PTPRO: variants seen among roughly 807,000 people sequenced by gnomAD.
PTPRO encodes the protein protein tyrosine phosphatase receptor type O.
In PTPRO, 62 loss-of-function variants were observed where a neutral mutation model predicts 145.2. The ratio of observed to expected loss-of-function variants is 0.43; its 90% CI spans 0.35 to 0.53. PTPRO has a LOEUF of 0.53. Among genes scored for constraint, PTPRO ranks in the 20% least tolerant of loss-of-function variants. The pLI is 0.01. For synonymous variants in PTPRO, 565 were observed against 514.7 expected (o/e 1.10, Z -1.32); for missense variants, 1,345 against 1,482.7 (o/e 0.91, Z 1.53).
intron 12 of PTPRO, among the ~76,000 whole-genome samples, chr12:15,531,494 GTGAC>G (rs1258537072): frequency 6.6e-6 from 1 of 152,140 alleles, no homozygotes; most frequent in Non-Finnish European, 1.5e-5. Flanking sequence ...CAGCTGGAAA[GTGAC>G]TGTGTAGCAT....
chr12:15,528,966 T>C (rs1005422667), intron 12 of PTPRO, among the ~76,000 whole-genome samples: 1 of 152,096 alleles, frequency 6.6e-6, no homozygotes, highest in African/African-American at 2.4e-5. Context: ...AAACAAAAGA[T>C]GAAAGAATTC....
At chr12:15,507,410 A>AGAATAAAT (rs1942343220) in intron 6 of PTPRO, among the ~76,000 whole-genome samples, 1 of 122,916 alleles carries the variant, frequency 8.1e-6, no homozygotes, top group African/African-American at 2.8e-5. Flanking sequence ...ACTCCATCTC[A>AGAATAAAT]AAATAAATAA....
chr12:15,352,939 A>G (rs1380813467), intron 1 of PTPRO, among the ~76,000 whole-genome samples: 1 of 152,202 alleles, frequency 6.6e-6, no homozygotes, highest in Non-Finnish European at 1.5e-5. Context: ...ATGTCAATAT[A>G]TCATGCAGTA....
chr12:15,381,039 T>C (rs1246660169), intron 1 of PTPRO, among the ~76,000 whole-genome samples: 1 of 152,186 alleles, frequency 6.6e-6, no homozygotes, highest in Admixed American at 6.5e-5. Flanking sequence ...ACCTAGTACA[T>C]CATAGGCTGA....
At position 15,357,828 on chromosome 12, in the gene PTPRO, T is replaced by C. The variant is rs564367592; in HGVS notation, c.75+35027T>C. 2.9e-3 allele frequency among the ~76,000 whole-genome samples: 427 copies of C among 148,724 alleles called. 1 individual carries two copies. Among genetic ancestry groups the C allele is most frequent in the African/African-American group, 5.8e-3 (233 of 40,354 alleles). ...TCAACCATTGTGGAAGTCAGTGTGG[T>C]GATTCCTCAGGGATCTAGAACTAGA... On this transcript the variant is annotated intron_variant, in intron 1 of 26. Transcript: ENST00000281171.
chr12:15,490,200 T>A (rs1458733798), intron 2 of PTPRO, among the ~76,000 whole-genome samples: 1 of 152,202 alleles, frequency 6.6e-6, no homozygotes, highest in Non-Finnish European at 1.5e-5. Flanking sequence ...AAGCAAGTAT[T>A]TGGGGTAGTA....
At chr12:15,400,396 C>T (rs1565607993) in intron 1 of PTPRO, among the ~76,000 whole-genome samples, 3 of 152,188 alleles carry the variant, frequency 2.0e-5, no homozygotes, top group Admixed American at 1.3e-4. Context: ...ACCGCTGTGC[C>T]TATTGTTCCC....
At chr12:15,429,274 G>A (rs550079667) in intron 1 of PTPRO, among the ~76,000 whole-genome samples, 1 of 152,250 alleles carries the variant, frequency 6.6e-6, no homozygotes, top group East Asian at 1.9e-4. Context: ...AGGCTAATGG[G>A]AAAAGTGGGG....
intron 4 of PTPRO, among the ~76,000 whole-genome samples, chr12:15,501,013 G>A (rs187263579): frequency 4.6e-5 from 7 of 152,294 alleles, no homozygotes; most frequent in Admixed American, 1.3e-4. Context: ...CAGAGACTAC[G>A]CAGTGCGTCT....
chr12:15,496,198 A>G (rs1942103728), intron 2 of PTPRO, among the ~76,000 whole-genome samples: 1 of 123,286 alleles, frequency 8.1e-6, no homozygotes, highest in Non-Finnish European at 1.6e-5. Context: ...GCTGGGGTGC[A>G]ATGGCGGGAT....
intron 1 of PTPRO, among the ~76,000 whole-genome samples, chr12:15,332,612 T>C (rs1866644998): frequency 6.6e-6 from 1 of 152,232 alleles, no homozygotes; most frequent in South Asian, 2.1e-4. Flanking sequence ...GTATATATCA[T>C]TGAATCATAA....
intron 10 of PTPRO, among the ~76,000 whole-genome samples, chr12:15,523,386 CT>C (rs1269041065): frequency 6.6e-6 from 1 of 152,184 alleles, no homozygotes; most frequent in Non-Finnish European, 1.5e-5. Flanking sequence ...TTAGCAGTTA[CT>C]TTAAAAAGGT....
chr12:15,439,509 T>G, intron 1 of PTPRO: 1 of 230,920 alleles, frequency 4.3e-6, no homozygotes, highest in African/African-American at 2.3e-5. Flanking sequence ...ACTCACTTCT[T>G]ATCCAAGAAA....
At chr12:15,376,317 G>C (rs1938685540) in intron 1 of PTPRO, among the ~76,000 whole-genome samples, 1 of 152,108 alleles carries the variant, frequency 6.6e-6, no homozygotes, top group Non-Finnish European at 1.5e-5. Context: ...TATGTTGAAA[G>C]AACAATACTG....
intron 1 of PTPRO, among the ~76,000 whole-genome samples, chr12:15,441,007 A>G (rs1029385001): frequency 6.6e-6 from 1 of 152,200 alleles, no homozygotes; most frequent in South Asian, 2.1e-4. Flanking sequence ...CACTTGACCA[A>G]CTAGACCTAA....
At chr12:15,363,301 C>T (rs1004350866) in intron 1 of PTPRO, among the ~76,000 whole-genome samples, 8 of 152,164 alleles carry the variant, frequency 5.3e-5, no homozygotes, top group African/African-American at 1.9e-4. Context: ...AAAGTAATTA[C>T]CTCTCCTCCA....
chr12:15,414,832 G>A lies in PTPRO; in HGVS notation c.76-69142G>A, dbSNP rs543132761. ...TGGATGTGATTTTTTTCTTGGAAAC[G>A]GGAATTTAATCACCTAATAGAGTCT... On this transcript the variant is annotated intron_variant, in intron 1 of 26. Transcript: ENST00000281171. 6.7e-4 allele frequency among the ~76,000 whole-genome samples: 102 copies of A among 152,182 alleles called. No individual in the cohort carries two copies. In the Middle Eastern group the frequency reaches 0.017, roughly 26 times the overall value.
chr12:15,416,135 T>C (rs1408111389), intron 1 of PTPRO, among the ~76,000 whole-genome samples: 1 of 151,700 alleles, frequency 6.6e-6, no homozygotes, highest in Non-Finnish European at 1.5e-5. Context: ...CTAGCTCATA[T>C]TCATTAAATA....
At chr12:15,487,595 C>T (rs1050536564) in intron 2 of PTPRO, among the ~76,000 whole-genome samples, 1 of 151,940 alleles carries the variant, frequency 6.6e-6, no homozygotes, top group Non-Finnish European at 1.5e-5. Context: ...CCCAGCCCCC[C>T]AGAGGGAGGC....
Sources: gnomAD v4.1 joint callset for allele counts (sites outside exome capture counted in the v4.1 genomes callset) on GRCh38, gnomAD v4.1.1 for gene constraint, MANE v1.5 for transcripts, NCBI Gene and HGNC (gene_info 2026-07-23, HGNC 2026-07-21) for gene names.